The following ATG7 variants were observed in gnomAD, a reference collection of about 807,000 sequenced individuals.
The protein encoded by ATG7 is ubiquitin-like modifier-activating enzyme ATG7.
Under a neutral mutation model 82.4 loss-of-function variants are expected in ATG7, and 70 were observed. The ratio of observed to expected loss-of-function variants is 0.85; its 90% CI spans 0.70 to 1.04. The LOEUF (loss-of-function observed/expected upper bound fraction) is 1.04. Ranked by LOEUF, ATG7 falls within the 50% of genes least tolerant of loss-of-function variation. The pLI is 0.00. For missense variants in ATG7, 792 were observed against 864.3 expected, an observed-to-expected ratio of 0.92 and a Z score of 1.05; for synonymous variants, 287 against 313.0, an observed-to-expected ratio of 0.92 and a Z score of 0.88.
At chr3:11,316,351 C>T (rs747249862) in intron 9 of ATG7, among the ~76,000 whole-genome samples, 3 of 152,208 alleles carry the variant, frequency 2.0e-5, no homozygotes. Context: ...CCAGAATCTC[C>T]ATCCCCTTCC....
chr3:11,286,404 A>G (rs2152658092), intron 3 of ATG7, among the ~76,000 whole-genome samples: 1 of 152,210 alleles, frequency 6.6e-6, no homozygotes, highest in Middle Eastern at 3.4e-3. Flanking sequence ...ATATCGTCGT[A>G]TGTTCTTCAT....
At chr3:11,307,957 A>G (rs1347923145) in intron 6 of ATG7, among the ~76,000 whole-genome samples, 1 of 152,162 alleles carries the variant, frequency 6.6e-6, no homozygotes, top group Non-Finnish European at 1.5e-5. Context: ...TTGGCTGCAC[A>G]TTTAAAAGGG....
At chr3:11,489,627 TC>T (rs1312926083) in intron 20 of ATG7, among the ~76,000 whole-genome samples, 1 of 145,908 alleles carries the variant, frequency 6.9e-6, no homozygotes, top group African/African-American at 2.5e-5. Flanking sequence ...GCTATAAATT[TC>T]CCTCTACACA....
At chr3:11,573,942 A>G in the ATG7 span, among the ~76,000 whole-genome samples, 1 of 152,220 alleles carries the variant, frequency 6.6e-6, no homozygotes, top group Non-Finnish European at 1.5e-5. Context: ...AAATCTGGAT[A>G]CAGTGACAGA....
chr3:11,442,460 G>C (rs764112170), intron 20 of ATG7, among the ~76,000 whole-genome samples: 2 of 151,792 alleles, frequency 1.3e-5, no homozygotes, highest in Non-Finnish European at 2.9e-5. Flanking sequence ...AAAATGTTTC[G>C]GGATATATAT....
chr3:11,489,054 G>C (rs1415212143), intron 20 of ATG7, among the ~76,000 whole-genome samples: 1 of 148,694 alleles, frequency 6.7e-6, no homozygotes, highest in African/African-American at 2.6e-5. Context: ...TGGTTGGTAA[G>C]CTATTGATTA....
At chr3:11,495,488 C>T (rs2090752891) in intron 20 of ATG7, among the ~76,000 whole-genome samples, 1 of 152,156 alleles carries the variant, frequency 6.6e-6, no homozygotes, top group African/African-American at 2.4e-5. Context: ...CCAGCAACTC[C>T]CTGCGCTGTT....
intron 20 of ATG7, among the ~76,000 whole-genome samples, chr3:11,428,618 TG>T (rs892937173): frequency 1.3e-5 from 2 of 152,242 alleles, no homozygotes; most frequent in African/African-American, 4.8e-5. Flanking sequence ...ATTTTTCCCC[TG>T]AATTGTGATT....
chr3:11,452,091 G>A (rs1255853963), intron 20 of ATG7, among the ~76,000 whole-genome samples: 2 of 151,862 alleles, frequency 1.3e-5, no homozygotes, highest in Non-Finnish European at 2.9e-5. Flanking sequence ...GGGATAATGA[G>A]AATGTTCTGG....
chr3:11,466,588 C>T (rs993906750), intron 20 of ATG7, among the ~76,000 whole-genome samples: 5 of 152,168 alleles, frequency 3.3e-5, no homozygotes, highest in African/African-American at 1.2e-4. Context: ...ACTACAGCGT[C>T]GGTGCTTATA....
At chr3:11,447,415 C>T (rs1172870217) in intron 20 of ATG7, among the ~76,000 whole-genome samples, 4 of 150,278 alleles carry the variant, frequency 2.7e-5, no homozygotes, top group South Asian at 4.2e-4. Flanking sequence ...TGCAGTGAGC[C>T]GAGATCACAC....
intron 20 of ATG7, among the ~76,000 whole-genome samples, chr3:11,519,539 GTTTTTTTTTTTTTTTTTTTTTTTTTTT>G (rs574523805): frequency 8.0e-5 from 5 of 62,154 alleles, no homozygotes; most frequent in Non-Finnish European, 1.7e-4. Flanking sequence ...AGTGAGAGGA[GTTTTTTTTTTTTTTTTTTTTTTTTTTT>G]TTTTTTTTTT....
At chr3:11,507,242 A>ACTG (rs1370323735) in intron 20 of ATG7, among the ~76,000 whole-genome samples, 4 of 152,236 alleles carry the variant, frequency 2.6e-5, no homozygotes, top group Admixed American at 1.3e-4. Context: ...AGATCACACC[A>ACTG]CTGCACTCCA....
intron 19 of ATG7, among the ~76,000 whole-genome samples, chr3:11,418,891 A>AG (rs1415626193): frequency 6.6e-6 from 1 of 152,074 alleles, no homozygotes; most frequent in Non-Finnish European, 1.5e-5. Flanking sequence ...AAGAGAGCAA[A>AG]GGGGGAAGTG....
intron 20 of ATG7, among the ~76,000 whole-genome samples, chr3:11,545,223 C>T (rs1339125660): frequency 6.6e-6 from 1 of 152,184 alleles, no homozygotes; most frequent in Non-Finnish European, 1.5e-5. Context: ...GTTTGGACTT[C>T]ACTCTCCCTC....
intron 20 of ATG7, among the ~76,000 whole-genome samples, chr3:11,525,496 T>C (rs2092555531): frequency 6.7e-6 from 1 of 148,574 alleles, no homozygotes; most frequent in African/African-American, 2.5e-5. Flanking sequence ...ATGTGACAGA[T>C]GCTCATTTGT....
At chr3:11,376,517 T>C (rs1407182157) in intron 18 of ATG7, among the ~76,000 whole-genome samples, 1 of 152,112 alleles carries the variant, frequency 6.6e-6, no homozygotes, top group Admixed American at 6.5e-5. Flanking sequence ...CACTTAGATA[T>C]GTAGCTGTCA....
At chr3:11,566,733 C>T in the ATG7 span, among the ~76,000 whole-genome samples, 6 of 152,118 alleles carry the variant, frequency 3.9e-5, no homozygotes, top group East Asian at 1.9e-4. Context: ...AATCCCAAGG[C>T]GCCCCGTGCA....
chr3:11,369,113 G>GCC (rs2076827427), intron 18 of ATG7, among the ~76,000 whole-genome samples: 1 of 150,848 alleles, frequency 6.6e-6, no homozygotes, highest in South Asian at 2.1e-4. Flanking sequence ...TGGCCTTTCT[G>GCC]CACAGGCTGT....
Sources: gnomAD v4.1 joint callset for allele counts (sites outside exome capture counted in the v4.1 genomes callset) on GRCh38, gnomAD v4.1.1 for gene constraint, MANE v1.5 for transcripts, NCBI Gene and HGNC (gene_info 2026-07-23, HGNC 2026-07-21) for gene names.